The following ZNF714 variants were observed in gnomAD, a reference collection of about 807,000 sequenced individuals.
The protein encoded by ZNF714 is zinc finger protein 714.
A neutral mutation model predicts 46.2 loss-of-function variants in ZNF714; 32 were observed. The ratio of observed to expected loss-of-function variants is 0.69; its 90% CI spans 0.52 to 0.93. The LOEUF is 0.93. Ranked by LOEUF, ZNF714 falls within the 40% of genes least tolerant of loss-of-function variation. The pLI is 0.00. For missense variants in ZNF714, 635 were observed against 646.3 expected (o/e 0.98, Z 0.19); for synonymous variants, 199 against 213.1 (o/e 0.93, Z 0.58).
chr19:21,113,326 G>C (rs965833295), intron 4 of ZNF714: 9 of 148,400 alleles, frequency 6.1e-5, no homozygotes, highest in Non-Finnish European at 3.0e-5. Context: ...TTTTGAGTGA[G>C]TTTCTTACTC....
chr19:21,087,246 A>G (rs1244998886), intron 2 of ZNF714, among the ~76,000 whole-genome samples: 1 of 126,438 alleles, frequency 7.9e-6, no homozygotes, highest in Admixed American at 8.3e-5. Context: ...AAAAAAAAAA[A>G]CATGATCGAC....
At chr19:21,085,807 T>C (rs955549929) in intron 2 of ZNF714, among the ~76,000 whole-genome samples, 11 of 152,118 alleles carry the variant, frequency 7.2e-5, no homozygotes, top group Non-Finnish European at 1.5e-4. Context: ...TGAGAGGGTC[T>C]TACTGATGAT....
Position 21,101,892 on chromosome 19 carries a change from G to GA in ZNF714, c.142+2989dup, listed in dbSNP as rs937295786. Among the ~76,000 whole-genome samples, 15 of 152,190 alleles carry GA rather than the reference G, an allele frequency of 9.9e-5. No individual in the cohort carries two copies. The South Asian group carries it at 2.9e-3, about 29-fold the overall frequency. ...TCACATGAATAAGTGCCTGTCCTCT[G>GA]AAAAAAACACTCCTCAATCTTGGGC... On this transcript the variant is annotated intron_variant, in intron 4 of 4. Coordinates refer to ENST00000456283, the MANE Select transcript of ZNF714 (RefSeq NM_182515.4).
At chr19:21,088,335 T>A (rs932624170) in intron 2 of ZNF714, among the ~76,000 whole-genome samples, 1 of 152,174 alleles carries the variant, frequency 6.6e-6, no homozygotes, top group East Asian at 1.9e-4. Flanking sequence ...CTATACAACA[T>A]CTTTTCTTAT....
At chr19:21,100,409 G>A (rs535052613) in intron 4 of ZNF714, among the ~76,000 whole-genome samples, 1 of 151,894 alleles carries the variant, frequency 6.6e-6, no homozygotes, top group Admixed American at 6.5e-5. Context: ...TTACATGCCT[G>A]TAATCCCAGC....
chr19:21,107,495 T>C (rs1969350577), intron 4 of ZNF714, among the ~76,000 whole-genome samples: 1 of 152,170 alleles, frequency 6.6e-6, no homozygotes. Flanking sequence ...CACCTTGGCC[T>C]CCCAAAATGC....
intron 2 of ZNF714, among the ~76,000 whole-genome samples, chr19:21,093,407 T>G (rs1968965736): frequency 6.6e-6 from 1 of 151,436 alleles, no homozygotes. Flanking sequence ...TAATTTTATA[T>G]TTTTAGTAGA....
chr19:21,116,557 G>T (rs1034380421), intron 4 of ZNF714, among the ~76,000 whole-genome samples: 3 of 152,086 alleles, frequency 2.0e-5, no homozygotes, highest in African/African-American at 7.2e-5. Context: ...TTTTTCTTCT[G>T]TGTCTTTGCA....
At chr19:21,103,355 C>G (rs1969233075) in intron 4 of ZNF714, among the ~76,000 whole-genome samples, 1 of 151,956 alleles carries the variant, frequency 6.6e-6, no homozygotes, top group Non-Finnish European at 1.5e-5. Flanking sequence ...GAGTTCCAGA[C>G]CAGCCTGGTC....
chr19:21,121,909 TG>T lies in ZNF714; in HGVS notation c.*3578del, dbSNP rs757327038. 28 of 152,226 alleles carry T rather than the reference TG, an allele frequency of 1.8e-4. No homozygotes were observed. The highest frequency in any genetic ancestry group is 3.2e-4 in the Non-Finnish European group (22 of 68,040). 9.4% of individuals were successfully genotyped at this position (152,226 alleles called of 1,614,324 possible). On this transcript the variant is annotated 3_prime_UTR_variant, in exon 5 of 5. Coordinates refer to ENST00000456283, the MANE Select transcript of ZNF714 (RefSeq NM_182515.4). ...GAAGTATTCATTATATGAGCTGGTC[TG>T]TGATTATAAGAATTTTTATGAAATT...
At chr19:21,111,554 C>T (rs567965082) in intron 4 of ZNF714, among the ~76,000 whole-genome samples, 3 of 152,198 alleles carry the variant, frequency 2.0e-5, no homozygotes, top group African/African-American at 4.8e-5. Flanking sequence ...AGTTTGACTT[C>T]CTAATTGAAT....
At chr19:21,091,923 G>C (rs757965285) in intron 2 of ZNF714, among the ~76,000 whole-genome samples, 1 of 152,156 alleles carries the variant, frequency 6.6e-6, no homozygotes, top group Non-Finnish European at 1.5e-5. Context: ...ACTAAGCCCT[G>C]AATCAGGGTC....
intron 2 of ZNF714, among the ~76,000 whole-genome samples, chr19:21,087,222 C>CAAA (rs57295093): frequency 1.4e-3 from 126 of 92,088 alleles, no homozygotes; most frequent in African/African-American, 2.7e-3. Context: ...GCAGTCTCAG[C>CAAA]AAAAAAAAAA....
intron 4 of ZNF714, among the ~76,000 whole-genome samples, chr19:21,105,761 C>G (rs1568278710): frequency 6.6e-6 from 1 of 151,888 alleles, no homozygotes. Context: ...TGGAGACCAG[C>G]CTGGCCAACA....
In ZNF714 at chr19:21,118,451, CA is replaced by C. The variant is rs71176814; in HGVS notation, c.*136del. 99,340 of 165,016 alleles carry C rather than the reference CA, an allele frequency of 0.6. 28,008 individuals carry two copies. The highest frequency in any genetic ancestry group is 0.69 in the Admixed American group (10,016 of 14,438). The allele number at this position is 165,016 out of a possible 1,614,324, so 10.2% of individuals were successfully genotyped here. A position where few individuals can be genotyped will look rare whatever the true frequency, so the allele number is the denominator to read the frequency against. On this transcript the variant is annotated 3_prime_UTR_variant, in exon 5 of 5. Transcript: ENST00000456283. The stretch of plus-strand genomic sequence containing the variant: ...TGGGCCACAAGGCAAGACTCTGTCT[CA>C]AAAAAAAAAAAAAAAAGAAAAGAAA...
chr19:21,119,886 CT>C lies in ZNF714; in HGVS notation c.*1557del, dbSNP rs2144885600. The C allele has an allele frequency of 6.6e-6, 1 of 152,230 alleles. No individual in the cohort carries two copies. The highest frequency in any genetic ancestry group is 2.1e-4 in the South Asian group (1 of 4,826). 9.4% of individuals were successfully genotyped at this position (152,230 alleles called of 1,614,324 possible). Reference sequence around the variant, plus strand: ...CAGTTATAATTACATTCAAAGTATACTTTATTTCTTGAAAAATATTACAGAT... The same window carrying C: ...CAGTTATAATTACATTCAAAGTATACTTATTTCTTGAAAAATATTACAGAT... On this transcript the variant is annotated 3_prime_UTR_variant, in exon 5 of 5. Transcript: ENST00000456283.
intron 2 of ZNF714, among the ~76,000 whole-genome samples, chr19:21,087,553 C>G (rs567020972): frequency 6.6e-6 from 1 of 152,014 alleles, no homozygotes; most frequent in Non-Finnish European, 1.5e-5. Flanking sequence ...AGTATTTGAC[C>G]GTAAGGTAAT....
Position 21,117,265 on chromosome 19 carries a change from T to C in ZNF714, c.601T>C (p.Phe201Leu). The part of the protein sequence containing the change: ...HKRVHTGEKP[F>L]KCEECGKAFK... ...GAGAGTTCATACTGGAGAGAAACCC[T>C]TCAAATGTGAAGAATGTGGCAAAGC... The change falls in exon 5 of 5, where the codon TTC becomes CTC. Residue 201 changes from phenylalanine to leucine, a missense_variant. Phe to Leu is a conservative substitution (Grantham distance 22). Coordinates refer to ENST00000456283, the MANE Select transcript of ZNF714 (RefSeq NM_182515.4). 6.2e-7 allele frequency: 1 copy of C among 1,614,002 alleles called. No individual in the cohort carries two copies. The highest frequency in any genetic ancestry group is 8.5e-7 in the Non-Finnish European group (1 of 1,179,940).
chr19:21,091,710 A>G (rs1012200529), intron 2 of ZNF714: 8 of 151,366 alleles, frequency 5.3e-5, no homozygotes, highest in African/African-American at 1.9e-4. Flanking sequence ...CATTTCTTCC[A>G]TTTGACTTTT....
Sources: allele counts gnomAD v4.1 joint callset (sites outside exome capture counted in the v4.1 genomes callset), GRCh38; gene constraint gnomAD v4.1.1; transcripts MANE v1.5; gene names NCBI Gene and HGNC (gene_info 2026-07-23, HGNC 2026-07-21).